USO1: variants seen among roughly 807,000 people sequenced by gnomAD.
USO1 encodes the protein USO1 vesicle transport factor.
Under a neutral mutation model 124.5 loss-of-function variants are expected in USO1, and 57 were observed. The observed-to-expected ratio is 0.46, with a 90% CI of 0.37 to 0.57. The LOEUF (loss-of-function observed/expected upper bound fraction) is 0.57, where lower values mean the gene tolerates loss of function less well. USO1 is among the 20% of genes least tolerant of loss of function. USO1 has a pLI of 0.00. For synonymous variants in USO1, 369 were observed against 362.8 expected (o/e 1.02, Z -0.19); for missense variants, 900 against 1,040.6 (o/e 0.86, Z 1.86).
At position 75,759,939 on chromosome 4, in the gene USO1, T is replaced by C. The variant is rs1721556510; in HGVS notation, c.295+2366T>C. ...AAAAAAAAAAAAAATAGACCAGACATGGTGGCTCACGCCTGTAATTCCAGC... is the reference window on the plus strand; with the variant it reads ...AAAAAAAAAAAAAATAGACCAGACACGGTGGCTCACGCCTGTAATTCCAGC... On this transcript the variant is annotated intron_variant, in intron 4 of 23. Transcript: ENST00000514213. Among the ~76,000 whole-genome samples the C allele has an allele frequency of 2.1e-5, 3 of 142,692 alleles. No individual in the cohort carries two copies. The Admixed American group carries it at 2.1e-4, about 10-fold the overall frequency. 93.6% of individuals were successfully genotyped at this position (142,692 alleles called of 152,430 possible).
chr4:75,807,423 A>G (rs188899871), intron 20 of USO1, among the ~76,000 whole-genome samples: 75 of 151,776 alleles, frequency 4.9e-4, no homozygotes, highest in African/African-American at 1.6e-3. Flanking sequence ...TCACTAACCT[A>G]GGACTAACTG....
intron 1 of USO1, among the ~76,000 whole-genome samples, chr4:75,739,090 G>C (rs1165208896): frequency 6.6e-6 from 1 of 152,094 alleles, no homozygotes; most frequent in Non-Finnish European, 1.5e-5. Context: ...CTGACCTCGT[G>C]ATCCGCCCGC....
At position 75,724,905 on chromosome 4, in the gene USO1, T is replaced by G. The variant is rs765367304; in HGVS notation, c.66+20T>G. On this transcript the variant is annotated intron_variant, in intron 1 of 23. Transcript: ENST00000514213. ...GAGACGGTGAGAGGAGCAGCGGGTCTGGGACTTGGGAAGGGGTCCGGGCAG... is the reference window on the plus strand; with the variant it reads ...GAGACGGTGAGAGGAGCAGCGGGTCGGGGACTTGGGAAGGGGTCCGGGCAG... 1.9e-6 allele frequency: 3 copies of G among 1,611,912 alleles called. No individual in the cohort carries two copies. Among genetic ancestry groups the G allele is most frequent in the Non-Finnish European group, 2.5e-6 (3 of 1,178,904 alleles).
At chr4:75,728,525 C>A (rs1489467386) in intron 1 of USO1, among the ~76,000 whole-genome samples, 1 of 152,102 alleles carries the variant, frequency 6.6e-6, no homozygotes, top group East Asian at 1.9e-4. Flanking sequence ...TGGCACATGC[C>A]TATAATCTCA....
chr4:75,746,320 A>C (rs556168876), intron 1 of USO1, among the ~76,000 whole-genome samples: 1 of 152,360 alleles, frequency 6.6e-6, no homozygotes, highest in Admixed American at 6.5e-5. Flanking sequence ...GAAAGCCTGA[A>C]AATAGGATAT....
chr4:75,778,151 A>G (rs970356856), intron 8 of USO1, among the ~76,000 whole-genome samples: 2 of 152,186 alleles, frequency 1.3e-5, no homozygotes, highest in East Asian at 3.8e-4. Context: ...AGGGACACCA[A>G]TGCCCCAGTT....
intron 13 of USO1, 144 bp from the exon 14 acceptor site, chr4:75,799,473 CTTGTT>C (rs767965911): frequency 1.1e-5 from 9 of 831,484 alleles, no homozygotes; most frequent in Admixed American, 2.9e-5. Flanking sequence ...AATTTATTCT[CTTGTT>C]TAGTTTTTTA....
At chr4:75,727,552 G>A (rs1202808546) in intron 1 of USO1, among the ~76,000 whole-genome samples, 1 of 152,082 alleles carries the variant, frequency 6.6e-6, no homozygotes, top group Non-Finnish European at 1.5e-5. Context: ...AGGTAAAAGG[G>A]GTCATGGATT....
chr4:75,808,383 A>T (rs1159946779), intron 20 of USO1, among the ~76,000 whole-genome samples: 3 of 152,194 alleles, frequency 2.0e-5, no homozygotes. Context: ...CTGATGCCTA[A>T]GATTGAGACA....
intron 13 of USO1, among the ~76,000 whole-genome samples, chr4:75,795,929 GT>G (rs1369904361): frequency 6.6e-6 from 1 of 151,710 alleles, no homozygotes. Context: ...GTTTTGTTTT[GT>G]TTTGTTTTGT....
chr4:75,777,444 T>C (rs1722102247), intron 8 of USO1, among the ~76,000 whole-genome samples: 1 of 152,152 alleles, frequency 6.6e-6, no homozygotes, highest in South Asian at 2.1e-4. Context: ...AAACACATGT[T>C]TGAAAAGGGA....
chr4:75,733,899 A>G (rs930029561), intron 1 of USO1, among the ~76,000 whole-genome samples: 4 of 149,170 alleles, frequency 2.7e-5, no homozygotes, highest in Non-Finnish European at 5.9e-5. Flanking sequence ...GCCAAGGCCA[A>G]TGTCCAGGAT....
At chr4:75,775,933 G>C (rs934145012) in intron 8 of USO1, among the ~76,000 whole-genome samples, 1 of 152,194 alleles carries the variant, frequency 6.6e-6, no homozygotes, top group Non-Finnish European at 1.5e-5. Context: ...GTTTTAGTAA[G>C]AGAGGATTAT....
intron 1 of USO1, among the ~76,000 whole-genome samples, chr4:75,742,981 A>T (rs962017734): frequency 6.7e-6 from 1 of 149,010 alleles, no homozygotes; most frequent in South Asian, 2.1e-4. Flanking sequence ...GTGAATAAGC[A>T]TATCTTTTTT....
rs375837277 is a variant in USO1 at position 75,813,292 on chromosome 4, C to G, written c.2886C>G (p.Ile962Met). 4.8e-5 allele frequency: 76 copies of G among 1,595,260 alleles called. No homozygotes were observed. Among genetic ancestry groups the G allele is most frequent in the Non-Finnish European group, 6.3e-5 (74 of 1,174,074 alleles). Reference protein sequence around the residue: ...SEDPGKDLDHI With the variant: ...SEDPGKDLDHM ...ATCCTGGCAAGGATCTAGATCATAT[C>G]TAGTTTTCAAATCTCTAGGAACAAT... The change falls in exon 24 of 24, where the codon ATC (isoleucine) becomes ATG (methionine). Residue 962 changes from isoleucine to methionine, a missense_variant. Ile to Met is a conservative substitution (Grantham distance 10). This residue lies in a region of USO1 where 362 missense variants were observed against 359.0 expected (regional missense o/e 1.01). Coordinates refer to ENST00000514213, the MANE Select transcript of USO1 (RefSeq NM_003715.4).
At chr4:75,792,069 T>G (rs1304307075) in intron 12 of USO1, among the ~76,000 whole-genome samples, 3 of 152,070 alleles carry the variant, frequency 2.0e-5, no homozygotes, top group Non-Finnish European at 4.4e-5. Context: ...GCCTTTGTGT[T>G]TCAAATAATC....
At position 75,813,326 on chromosome 4, in the gene USO1, T is replaced by C. The variant is rs767564515; in HGVS notation, c.*31T>C. 1 of 1,534,834 alleles carries C rather than the reference T, an allele frequency of 6.5e-7. No individual in the cohort carries two copies. The highest frequency in any genetic ancestry group is 1.3e-5 in the South Asian group (1 of 77,406). ...AAATCTCTAGGAACAATAGAGATTA[T>C]ATCATAACTCTGAAGATGGACTCTA... On this transcript the variant is annotated 3_prime_UTR_variant, in exon 24 of 24. Coordinates refer to ENST00000514213, the MANE Select transcript of USO1 (RefSeq NM_003715.4).
chr4:75,807,414 C>G (rs1352374974), intron 20 of USO1, among the ~76,000 whole-genome samples: 1 of 151,632 alleles, frequency 6.6e-6, no homozygotes, highest in Non-Finnish European at 1.5e-5. Flanking sequence ...TGACCATCCT[C>G]ACTAACCTAG....
chr4:75,801,025 TA>T, intron 16 of USO1, 53 bp from the exon 17 acceptor site: 1 of 1,442,428 alleles, frequency 6.9e-7, no homozygotes. Flanking sequence ...GTCTTAGTAG[TA>T]AAATAGTATT....
Sources: gnomAD v4.1 joint callset for allele counts (sites outside exome capture counted in the v4.1 genomes callset) on GRCh38, gnomAD v4.1.1 for gene constraint, gnomAD v4.1.1 regional missense constraint, MANE v1.5 for transcripts, NCBI Gene and HGNC (gene_info 2026-07-23, HGNC 2026-07-21) for gene names.